The following MAST3 variants were observed in gnomAD, a reference collection of about 807,000 sequenced individuals.
MAST3 encodes microtubule associated serine/threonine kinase 3.
Under a neutral mutation model 127.0 loss-of-function variants are expected in MAST3, and 43 were observed. The observed-to-expected ratio is 0.34, with a 90% confidence interval of 0.27 to 0.44. MAST3 has a LOEUF of 0.44. Ranked by LOEUF, MAST3 falls within the 20% of genes least tolerant of loss-of-function variation. MAST3 has a pLI of 1.00. For missense variants in MAST3, 1,390 were observed against 1,919.1 expected, an observed-to-expected ratio of 0.72 and a Z score of 5.15; for synonymous variants, 785 against 809.2, an observed-to-expected ratio of 0.97 and a Z score of 0.51.
intron 1 of MAST3, among the ~76,000 whole-genome samples, chr19:18,099,698 G>A (rs2146744837): frequency 6.6e-6 from 1 of 152,344 alleles, no homozygotes; most frequent in South Asian, 2.1e-4. Context: ...GGAGGGATGA[G>A]CACGGATTCC....
Position 18,150,081 on chromosome 19 carries a change from A to T in MAST3, c.*355A>T. The T allele has an allele frequency of 4.3e-6, 1 of 234,752 alleles. No homozygotes were observed. Among genetic ancestry groups the T allele is most frequent in the South Asian group, 5.0e-5 (1 of 19,928 alleles). 14.5% of individuals were successfully genotyped at this position (234,752 alleles called of 1,614,324 possible). On this transcript the variant is annotated 3_prime_UTR_variant, in exon 28 of 28. Coordinates refer to ENST00000687212, the MANE Select transcript of MAST3 (RefSeq NM_001393504.1). ...AGCTCACTGCAACCTCCGCCTCCCAAGTTCAAGCGATTGTCCTGCCTCAGC... is the reference window on the plus strand; with the variant it reads ...AGCTCACTGCAACCTCCGCCTCCCATGTTCAAGCGATTGTCCTGCCTCAGC...
chr19:18,131,936 A>G lies in MAST3; in HGVS notation c.1460A>G (p.Asn487Ser). 8.1e-6 allele frequency: 13 copies of G among 1,608,880 alleles called. No homozygotes were observed. The highest frequency in any genetic ancestry group is 1.1e-5 in the Non-Finnish European group (13 of 1,177,820). Residue 487 changes from asparagine to serine, a missense_variant, in exon 15 of 28, where the codon AAC (asparagine) becomes AGC (serine). Asn to Ser is a conservative substitution (Grantham distance 46). Transcript: ENST00000687212. Reference sequence around the variant, plus strand: ...GGCGACTGCGCCACGCTCCTGAAGAACATGGGCCCGCTGCCCGTGGACATG... The same window carrying G: ...GGCGACTGCGCCACGCTCCTGAAGAGCATGGGCCCGCTGCCCGTGGACATG... ...EGGDCATLLKNMGPLPVDMAR... is the reference protein window; with the variant it reads ...EGGDCATLLKSMGPLPVDMAR...
At chr19:18,106,684 G>A (rs1406525341) in intron 1 of MAST3, among the ~76,000 whole-genome samples, 1 of 151,670 alleles carries the variant, frequency 6.6e-6, no homozygotes, top group African/African-American at 2.4e-5. Flanking sequence ...CGATTCTCCT[G>A]CCTTAGTCTC....
At chr19:18,099,897 C>T (rs2037418753) in intron 1 of MAST3, among the ~76,000 whole-genome samples, 1 of 152,124 alleles carries the variant, frequency 6.6e-6, no homozygotes, top group African/African-American at 2.4e-5. Flanking sequence ...AGACTTTCCC[C>T]CTAGGGTGAT....
At chr19:18,123,185 T>G (rs373042812) in intron 6 of MAST3, 32 bp from the exon 7 acceptor site, 62 of 1,611,752 alleles carry the variant, frequency 3.8e-5, no homozygotes, top group Non-Finnish European at 5.3e-5. Flanking sequence ...GACGGTGAAC[T>G]CATGGCTCTG....
chr19:18,134,501 G>A (rs1327630910), intron 15 of MAST3, 78 bp from the exon 16 acceptor site: 2 of 1,499,972 alleles, frequency 1.3e-6, no homozygotes, highest in Non-Finnish European at 1.8e-6. Context: ...ATCTCAGGCG[G>A]AGCCAAGGTC....
At chr19:18,127,919 G>A (rs2040840976) in intron 11 of MAST3, among the ~76,000 whole-genome samples, 1 of 152,174 alleles carries the variant, frequency 6.6e-6, no homozygotes, top group South Asian at 2.1e-4. Context: ...TGAGGCTCCA[G>A]GCAGATAAGG....
intron 26 of MAST3, 82 bp from the exon 27 acceptor site, chr19:18,147,361 T>C: frequency 7.6e-7 from 1 of 1,312,884 alleles, no homozygotes; most frequent in African/African-American, 1.5e-5. Flanking sequence ...CCTCGGCCTC[T>C]GAAAGTGCTG....
chr19:18,108,010 G>T (rs66464318), intron 2 of MAST3, among the ~76,000 whole-genome samples: 35,857 of 152,030 alleles, frequency 0.24, 4,305 homozygotes, highest in Non-Finnish European at 0.27. Flanking sequence ...TCATCTCTCA[G>T]CTAGGCACGG....
At chr19:18,138,210 A>G (rs2042084239) in intron 19 of MAST3, among the ~76,000 whole-genome samples, 1 of 862 alleles carries the variant, frequency 1.2e-3, no homozygotes, top group Non-Finnish European at 2.3e-3. Flanking sequence ...AACTGCCTGA[A>G]AAAAAAAAAA....
rs939804487 is a variant in MAST3, at chr19:18,149,038, G to A, written c.3509-153G>A. Among the ~76,000 whole-genome samples the A allele has an allele frequency of 2.1e-4, 32 of 152,192 alleles. No individual in the cohort carries two copies. Among genetic ancestry groups the A allele is most frequent in the Admixed American group, 2.1e-3 (32 of 15,278 alleles). On this transcript the variant is annotated intron_variant, in intron 27 of 27. Coordinates refer to ENST00000687212, the MANE Select transcript of MAST3 (RefSeq NM_001393504.1). This position sits in a 1 kb window ranked among gnomAD's most constrained non-coding sequence, Gnocchi z 5.9. ...AGTGCACTACAGTCTGGGCAACAGA[G>A]CAAGACCCTGTCTCAAAAACAAAAA...
chr19:18,123,398 G>T, intron 7 of MAST3, 24 bp downstream of exon 7: 1 of 1,595,642 alleles, frequency 6.3e-7, no homozygotes, highest in Non-Finnish European at 8.5e-7. Context: ...TCTGGCCCCA[G>T]CCCCGGCCCC....
At chr19:18,107,465 G>C (rs1357093470) in intron 1 of MAST3, 122 bp from the exon 2 acceptor site, 2 of 994,840 alleles carry the variant, frequency 2.0e-6, no homozygotes, top group Non-Finnish European at 3.2e-6. Flanking sequence ...CCAGTGTGTA[G>C]AGTGAGCGGG....
chr19:18,140,691 A>G (rs1378172830), intron 20 of MAST3, among the ~76,000 whole-genome samples: 5 of 152,172 alleles, frequency 3.3e-5, no homozygotes, highest in Non-Finnish European at 7.3e-5. Flanking sequence ...TGGCTGAGTA[A>G]TATTCCATCA....
At chr19:18,134,782 G>A (rs753369158) in intron 16 of MAST3, 35 bp from the exon 17 acceptor site, 1 of 1,613,740 alleles carries the variant, frequency 6.2e-7, no homozygotes, top group South Asian at 1.1e-5. Flanking sequence ...TTGGGCTGGG[G>A]GCTGGCCTCA....
intron 2 of MAST3, among the ~76,000 whole-genome samples, chr19:18,109,707 G>A (rs1568549921): frequency 6.6e-6 from 1 of 152,176 alleles, no homozygotes; most frequent in Non-Finnish European, 1.5e-5. Flanking sequence ...GGGTGAGGGG[G>A]CGACCTTCCT....
At chr19:18,120,531 TGTTG>T (rs2039841278) in intron 3 of MAST3, among the ~76,000 whole-genome samples, 1 of 152,102 alleles carries the variant, frequency 6.6e-6, no homozygotes, top group South Asian at 2.1e-4. Flanking sequence ...CAATAGTTTG[TGTTG>T]GTTTTTGTTA....
At chr19:18,101,021 G>T (rs904550635) in intron 1 of MAST3, among the ~76,000 whole-genome samples, 5 of 152,196 alleles carry the variant, frequency 3.3e-5, no homozygotes, top group African/African-American at 1.2e-4. Context: ...GACAGCCCTG[G>T]GTCCAGGGAG....
rs528049972 is a variant in MAST3, at chr19:18,123,094, AG to A, written c.400-121del. 2,744 of 1,034,350 alleles carry A rather than the reference AG, an allele frequency of 2.7e-3. 4 individuals are homozygous for A. Among genetic ancestry groups the A allele is most frequent in the Non-Finnish European group, 3.4e-3 (2,284 of 677,270 alleles). 64.1% of individuals were successfully genotyped at this position (1,034,350 alleles called of 1,614,324 possible). A position where few individuals can be genotyped will look rare whatever the true frequency, so the allele number is the denominator to read the frequency against. On this transcript the variant is annotated intron_variant, in intron 6 of 27. Transcript: ENST00000687212. Reference sequence around the variant, plus strand: ...TTTGAGGGATGCATAGGAGCTAGGCAGGAGAAAGGATGTTACCTTCTGATGG... The same window carrying A: ...TTTGAGGGATGCATAGGAGCTAGGCAGAGAAAGGATGTTACCTTCTGATGG...
Sources: allele counts gnomAD v4.1 joint callset (sites outside exome capture counted in the v4.1 genomes callset), GRCh38; gene constraint gnomAD v4.1.1; non-coding constraint Gnocchi (gnomAD v3.1); transcripts MANE v1.5; gene names NCBI Gene and HGNC (gene_info 2026-07-23, HGNC 2026-07-21).